WAC: variants seen among roughly 807,000 people sequenced by gnomAD.
WAC encodes WW domain-containing adapter protein with coiled-coil.
Under a neutral mutation model 79.6 loss-of-function variants are expected in WAC, and 11 were observed. The ratio of observed to expected loss-of-function variants is 0.14; its 90% CI spans 0.09 to 0.23. The LOEUF is 0.23. Ranked by LOEUF, WAC falls within the 10% of genes least tolerant of loss-of-function variation. The pLI, the probability that WAC is intolerant of heterozygous loss-of-function variation, is 1.00. For synonymous variants in WAC, 304 were observed against 276.9 expected (o/e 1.10, Z -0.97); for missense variants, 728 against 773.5 (o/e 0.94, Z 0.70).
At chr10:28,586,046 C>T (rs527831980) in intron 4 of WAC, among the ~76,000 whole-genome samples, 45 of 152,076 alleles carry the variant, frequency 3.0e-4, no homozygotes, top group Non-Finnish European at 4.9e-4. Context: ...TAGATTTCAC[C>T]TGTAGGTGCA....
chr10:28,595,211 C>CT (rs1194192208), intron 6 of WAC, among the ~76,000 whole-genome samples: 2 of 152,152 alleles, frequency 1.3e-5, no homozygotes, highest in Non-Finnish European at 2.9e-5. Context: ...TTTAAGCCTT[C>CT]TTATAAACTG....
intron 7 of WAC, among the ~76,000 whole-genome samples, chr10:28,604,712 T>C (rs1840850548): frequency 6.6e-6 from 1 of 152,200 alleles, no homozygotes; most frequent in Non-Finnish European, 1.5e-5. Context: ...AGAGAACGAC[T>C]GTATCTCAGG....
chr10:28,555,020 A>G (rs1035352817), intron 3 of WAC, among the ~76,000 whole-genome samples: 8 of 152,176 alleles, frequency 5.3e-5, no homozygotes, highest in African/African-American at 1.9e-4. Context: ...TAGTGTCTGA[A>G]ACAGAATTGT....
intron 11 of WAC, chr10:28,615,190 T>TGTTCATTA (rs1841420532): frequency 6.6e-6 from 1 of 152,286 alleles, no homozygotes. Flanking sequence ...CACTTTTCTT[T>TGTTCATTA]GTTCATTAAC....
intron 10 of WAC, among the ~76,000 whole-genome samples, chr10:28,613,340 T>C (rs1250507556): frequency 6.6e-6 from 1 of 152,126 alleles, no homozygotes; most frequent in Admixed American, 6.5e-5. Context: ...CACTCCAGCC[T>C]GGGCAAGAGA....
chr10:28,550,933 T>C (rs1837632843), intron 3 of WAC, among the ~76,000 whole-genome samples: 1 of 152,250 alleles, frequency 6.6e-6, no homozygotes, highest in African/African-American at 2.4e-5. Flanking sequence ...GAAAGCTGTA[T>C]GTGATTTGAA....
chr10:28,559,780 T>C (rs1277911803), intron 3 of WAC, among the ~76,000 whole-genome samples: 2 of 152,032 alleles, frequency 1.3e-5, no homozygotes, highest in Non-Finnish European at 2.9e-5. Context: ...CTTCAAGAGG[T>C]GATTAGTTAG....
At chr10:28,535,490 G>A in intron 2 of WAC, 72 bp from the exon 3 acceptor site, 1 of 1,456,748 alleles carries the variant, frequency 6.9e-7, no homozygotes, top group African/African-American at 1.4e-5. Flanking sequence ...ATACACCAAA[G>A]TTTATGTTTA....
chr10:28,553,289 C>T (rs1823615784), intron 3 of WAC, among the ~76,000 whole-genome samples: 1 of 152,004 alleles, frequency 6.6e-6, no homozygotes, highest in Non-Finnish European at 1.5e-5. Context: ...AAGTGATTTA[C>T]TTTGTAGCCT....
intron 3 of WAC, among the ~76,000 whole-genome samples, chr10:28,582,819 A>G (rs375791838): frequency 2.0e-4 from 31 of 152,320 alleles, no homozygotes; most frequent in African/African-American, 7.2e-4. Flanking sequence ...TTTTAGATAG[A>G]GTTGGACCTG....
rs1400719771 is a variant in WAC at position 28,535,637 on chromosome 10, C to G, written c.154C>G (p.Pro52Ala). 1.2e-6 allele frequency: 2 copies of G among 1,614,006 alleles called. No individual in the cohort carries two copies. The highest frequency in any genetic ancestry group is 1.7e-5 in the Admixed American group (1 of 59,986). The change falls in exon 3 of 14, where the codon CCT becomes GCT. Residue 52 changes from proline to alanine, a missense_variant. Pro to Ala is a conservative substitution (Grantham distance 27). Coordinates refer to ENST00000354911, the MANE Select transcript of WAC (RefSeq NM_016628.5). ...RHEKMRDAGD[P>A]SPPNKMLRRS... ...TGAAAAGATGCGAGACGCCGGAGAT[C>G]CTTCACCACCAAATAAAATGTTGCG...
intron 8 of WAC, 74 bp downstream of exon 8, chr10:28,608,505 T>A: frequency 7.2e-7 from 1 of 1,385,072 alleles, no homozygotes; most frequent in Non-Finnish European, 9.7e-7. Flanking sequence ...AATCCCCAGT[T>A]TAGGAATGGT....
chr10:28,616,423 C>T, intron 12 of WAC, 61 bp downstream of exon 12: 3 of 1,315,796 alleles, frequency 2.3e-6, no homozygotes, highest in Non-Finnish European at 1.0e-6. Context: ...ATTTAATCAA[C>T]TTCTAGAGAA....
chr10:28,572,013 G>C (rs73609822), intron 3 of WAC, among the ~76,000 whole-genome samples: 1 of 152,120 alleles, frequency 6.6e-6, no homozygotes, highest in Non-Finnish European at 1.5e-5. Context: ...AAATAAAACA[G>C]GGAGCAATAT....
chr10:28,615,216 G>A (rs1841421629), intron 11 of WAC: 1 of 152,174 alleles, frequency 6.6e-6, no homozygotes, highest in Non-Finnish European at 1.5e-5. Context: ...AACTTTAAAT[G>A]ACATTTGTTG....
At chr10:28,532,989 A>C (rs1836342679), upstream of WAC, 1 of 153,808 alleles carries the variant, frequency 6.5e-6, no homozygotes, top group South Asian at 1.9e-4. Context: ...GAGGAGGAGA[A>C]AGGCCGGAGC....
intron 3 of WAC, among the ~76,000 whole-genome samples, chr10:28,573,591 A>G (rs77448060): frequency 8.5e-4 from 130 of 152,316 alleles, no homozygotes; most frequent in African/African-American, 3.1e-3. Context: ...ACCACTTTCT[A>G]TTCAAAGCAT....
chr10:28,536,142 G>T (rs1836657870), intron 3 of WAC, among the ~76,000 whole-genome samples: 1 of 151,878 alleles, frequency 6.6e-6, no homozygotes. Context: ...AGCTCTTCAG[G>T]AAGCTAAGGT....
At chr10:28,613,922 A>G (rs989047494) in intron 10 of WAC, among the ~76,000 whole-genome samples, 1 of 152,220 alleles carries the variant, frequency 6.6e-6, no homozygotes, top group Admixed American at 6.5e-5. Flanking sequence ...GTTGAACTTT[A>G]TATGGGCCAT....
Sources: gnomAD v4.1 joint callset for allele counts (sites outside exome capture counted in the v4.1 genomes callset) on GRCh38, gnomAD v4.1.1 for gene constraint, MANE v1.5 for transcripts, NCBI Gene and HGNC (gene_info 2026-07-23, HGNC 2026-07-21) for gene names.